Variants in HELLS observed in about 807,000 individuals in gnomAD.
HELLS encodes helicase, lymphoid specific, also known as lymphoid-specific helicase.
A neutral mutation model predicts 120.0 loss-of-function variants in HELLS; 32 were observed. The ratio of observed to expected loss-of-function variants is 0.27; its 90% CI spans 0.20 to 0.36. HELLS has a LOEUF of 0.36. Ranked by LOEUF, HELLS falls within the 10% of genes least tolerant of loss-of-function variation. HELLS has a pLI of 1.00. For synonymous variants in HELLS, 341 were observed against 323.4 expected, an observed-to-expected ratio of 1.05 and a Z score of -0.58; for missense variants, 650 against 993.4, an observed-to-expected ratio of 0.65 and a Z score of 4.65.
At chr10:94,598,038 C>T (rs1366812058) in intron 21 of HELLS, among the ~76,000 whole-genome samples, 1 of 149,702 alleles carries the variant, frequency 6.7e-6, no homozygotes, top group African/African-American at 2.4e-5. Context: ...TAGAATACCA[C>T]CTTATGATCT....
chr10:94,550,759 C>T (rs911355273), intron 2 of HELLS, among the ~76,000 whole-genome samples: 2 of 152,024 alleles, frequency 1.3e-5, no homozygotes, highest in African/African-American at 4.8e-5. Context: ...CATGGTGGCA[C>T]GCGCCTATAG....
Position 94,594,710 on chromosome 10 carries a change from C to A in HELLS, c.2104C>A (p.Leu702Ile). 6.2e-7 allele frequency: 1 copy of A among 1,607,300 alleles called. No homozygotes were observed. The highest frequency in any genetic ancestry group is 1.7e-5 in the Admixed American group (1 of 58,126). ...YDSDWNPQSD[L>I]QAQDRCHRIG... ...TAACTTTAAGAACCCCCAGTCGGAT[C>A]TTCAGGCCCAGGATAGATGTCATAG... Residue 702 changes from leucine (L) to isoleucine (I), a missense_variant, in exon 19 of 22, where the codon CTT (leucine) becomes ATT (isoleucine). Leu to Ile is a conservative substitution (Grantham distance 5). Coordinates refer to ENST00000348459, the MANE Select transcript of HELLS (RefSeq NM_018063.5).
In HELLS at chr10:94,602,061, A is replaced by G. The variant is rs1490657768; in HGVS notation, c.*439A>G. The G allele has an allele frequency of 5.2e-5, 8 of 152,682 alleles. No individual in the cohort carries two copies. The highest frequency in any genetic ancestry group is 2.6e-4 in the Admixed American group (4 of 15,268). The allele number at this position is 152,682 out of a possible 1,614,324, so 9.5% of individuals were successfully genotyped here. On this transcript the variant is annotated 3_prime_UTR_variant, in exon 22 of 22. Coordinates refer to ENST00000348459, the MANE Select transcript of HELLS (RefSeq NM_018063.5). The stretch of plus-strand genomic sequence containing the variant: ...CTGTTTGATTTTAGAGTCTATTTCT[A>G]TGAGATAGTTTACCAAATAAATGTT...
intron 13 of HELLS, among the ~76,000 whole-genome samples, chr10:94,589,072 C>T (rs1038453914): frequency 2.6e-5 from 4 of 152,158 alleles, no homozygotes; most frequent in African/African-American, 4.8e-5. Context: ...CACTTGAACC[C>T]GGGAGACGGA....
chr10:94,580,178 C>A (rs1399003383), intron 10 of HELLS, among the ~76,000 whole-genome samples: 2 of 118,778 alleles, frequency 1.7e-5, no homozygotes, highest in African/African-American at 6.4e-5. Context: ...CACACACACA[C>A]ACACACATTT....
At chr10:94,558,055 C>CATA in intron 3 of HELLS, 84 bp from the exon 4 acceptor site, 6 of 1,469,842 alleles carry the variant, frequency 4.1e-6, no homozygotes, top group Non-Finnish European at 5.4e-6. Flanking sequence ...TCATTGTAAA[C>CATA]ATAAGTTATT....
rs140045194 is a variant in HELLS, at chr10:94,581,782, T to C, written c.1229+260T>C. 3.2e-3 allele frequency among the ~76,000 whole-genome samples: 488 copies of C among 152,328 alleles called. 2 individuals are homozygous for C. The highest frequency in any genetic ancestry group is 0.011 in the African/African-American group (471 of 41,580). ...TTTATAATAAGGTTCTTTTATGTGT[T>C]ACCTTTGTAAAACATTTTAAGATGG... On this transcript the variant is annotated intron_variant, in intron 11 of 21. Coordinates refer to ENST00000348459, the MANE Select transcript of HELLS (RefSeq NM_018063.5).
intron 12 of HELLS, among the ~76,000 whole-genome samples, chr10:94,586,102 G>GT (rs894178156): frequency 2.5e-4 from 38 of 151,316 alleles, no homozygotes; most frequent in African/African-American, 8.7e-4. Context: ...ACATGGACAT[G>GT]TTTTTTTTAA....
In HELLS at chr10:94,590,409, T is replaced by C; in HGVS notation, c.1489-4T>C. On this transcript the variant is annotated splice_region_variant and splice_polypyrimidine_tract_variant and intron_variant, in intron 13 of 21. Coordinates refer to ENST00000348459, the MANE Select transcript of HELLS (RefSeq NM_018063.5). ...TGAATTTCTTTTAATTCGTTCCCTTTTAGAAAGAAACAATTGAGTTAAGTC... is the reference window on the plus strand; with the variant it reads ...TGAATTTCTTTTAATTCGTTCCCTTCTAGAAAGAAACAATTGAGTTAAGTC... 1 of 1,595,480 alleles carries C rather than the reference T, an allele frequency of 6.3e-7. No individual in the cohort carries two copies. Among genetic ancestry groups the C allele is most frequent in the East Asian group, 2.2e-5 (1 of 44,748 alleles).
chr10:94,577,525 C>G (rs1418144126), intron 10 of HELLS: 3 of 153,666 alleles, frequency 2.0e-5, no homozygotes, highest in African/African-American at 4.8e-5. Flanking sequence ...TAATTATGAC[C>G]AGTATTGTCA....
At chr10:94,594,243 G>A (rs534218021) in intron 18 of HELLS, among the ~76,000 whole-genome samples, 1 of 151,970 alleles carries the variant, frequency 6.6e-6, no homozygotes. Context: ...CCAGGCTTGA[G>A]TGCAGTGGCA....
chr10:94,560,063 C>A (rs1373675182), intron 4 of HELLS, among the ~76,000 whole-genome samples: 1 of 151,872 alleles, frequency 6.6e-6, no homozygotes, highest in Non-Finnish European at 1.5e-5. Context: ...GACGGAGTCT[C>A]GTTCTGTCAC....
At chr10:94,551,389 A>G (rs928892454) in intron 2 of HELLS, among the ~76,000 whole-genome samples, 2 of 151,928 alleles carry the variant, frequency 1.3e-5, no homozygotes, top group African/African-American at 4.8e-5. Context: ...AAGATGGTGA[A>G]AGCCCGTCTC....
At chr10:94,576,914 G>A (rs919952059) in intron 10 of HELLS, 109 bp downstream of exon 10, 13 of 932,452 alleles carry the variant, frequency 1.4e-5, no homozygotes, top group African/African-American at 1.7e-5. Context: ...TTTTGTTGTC[G>A]AAATAATAGA....
At chr10:94,580,146 TATATATATATATATATAC>T (rs1478486408) in intron 10 of HELLS, among the ~76,000 whole-genome samples, 20 of 56,292 alleles carry the variant, frequency 3.6e-4, no homozygotes, top group South Asian at 2.8e-3. Context: ...TATATATATA[TATATATATATATATATAC>T]ACACACACAC....
intron 13 of HELLS, 81 bp from the exon 14 acceptor site, chr10:94,590,332 A>G: frequency 1.7e-6 from 2 of 1,182,758 alleles, no homozygotes; most frequent in Non-Finnish European, 2.4e-6. Flanking sequence ...TTGTACATAA[A>G]ATATGCCTTA....
chr10:94,574,965 A>G (rs1364431532), intron 9 of HELLS, among the ~76,000 whole-genome samples: 1 of 152,148 alleles, frequency 6.6e-6, no homozygotes, highest in Non-Finnish European at 1.5e-5. Flanking sequence ...TTTTCAGTGC[A>G]TTGGTAATTT....
At chr10:94,597,960 C>A (rs564964234) in intron 21 of HELLS, among the ~76,000 whole-genome samples, 62 of 150,902 alleles carry the variant, frequency 4.1e-4, no homozygotes, top group African/African-American at 1.4e-3. Flanking sequence ...AGAACTTTCC[C>A]TTACAGTTTC....
intron 4 of HELLS, among the ~76,000 whole-genome samples, chr10:94,559,973 A>G (rs905869188): frequency 6.6e-6 from 1 of 152,150 alleles, no homozygotes; most frequent in East Asian, 1.9e-4. Context: ...AAAATTACGG[A>G]TTTGAACCCA....
Sources: allele counts gnomAD v4.1 joint callset (sites outside exome capture counted in the v4.1 genomes callset), GRCh38; gene constraint gnomAD v4.1.1; transcripts MANE v1.5; gene names NCBI Gene and HGNC (gene_info 2026-07-23, HGNC 2026-07-21).